Variants in ERICH1 observed in about 807,000 individuals in gnomAD.
ERICH1 encodes glutamate rich 1, also known as glutamate-rich protein 1.
In ERICH1, 56 loss-of-function variants were observed where a neutral mutation model predicts 39.6. The ratio of observed to expected loss-of-function variants is 1.41; its 90% confidence interval spans 1.14 to 1.77. The LOEUF (loss-of-function observed/expected upper bound fraction) is 1.77. Ranked by LOEUF, ERICH1 falls within the 40% of genes most tolerant of loss-of-function variation. The pLI, the probability that ERICH1 is intolerant of heterozygous loss-of-function variation, is 0.00. For missense variants in ERICH1, 826 were observed against 575.4 expected (o/e 1.44, Z -4.45); for synonymous variants, 313 against 223.6 (o/e 1.40, Z -3.57).
chr8:653,021 A>G (rs1284694697), intron 3 of ERICH1, among the ~76,000 whole-genome samples: 1 of 152,232 alleles, frequency 6.6e-6, no homozygotes, highest in African/African-American at 2.4e-5. Flanking sequence ...CGGTACAGCC[A>G]TTGTGGAAGA....
intron 3 of ERICH1, among the ~76,000 whole-genome samples, chr8:620,070 T>A (rs189436114): frequency 6.6e-6 from 1 of 152,140 alleles, no homozygotes; most frequent in Non-Finnish European, 1.5e-5. Context: ...TCCCAGCACT[T>A]TGGGAGGCCA....
At position 673,581 on chromosome 8, in the gene ERICH1, A is replaced by G. The variant is rs895703130; in HGVS notation, c.771T>C (p.Asp257=). ...QEEGADASEE[D]PTPAGEEDVK... ...CGTCTTCCTCCCCGGCCGGTGTCGG[A>G]TCTTCCTCACTGGCGTCCGCACCCT... The change falls in exon 4 of 6, where the codon GAT becomes GAC. Residue 257 remains aspartate, a synonymous_variant. Transcript: ENST00000262109. 2.6e-6 allele frequency: 4 copies of G among 1,531,776 alleles called. No individual in the cohort carries two copies. The African/African-American group carries it at 6.2e-5, about 24-fold the overall frequency. 94.9% of individuals were successfully genotyped at this position (1,531,776 alleles called of 1,614,324 possible).
chr8:701,164 C>T (rs561201494), intron 2 of ERICH1, among the ~76,000 whole-genome samples: 27 of 152,386 alleles, frequency 1.8e-4, no homozygotes, highest in South Asian at 4.1e-4. Flanking sequence ...ACCAGGTGGA[C>T]GGGTCTGCCC....
chr8:625,513 G>T (rs1041984665), intron 3 of ERICH1, among the ~76,000 whole-genome samples: 1 of 152,164 alleles, frequency 6.6e-6, no homozygotes, highest in African/African-American at 2.4e-5. Flanking sequence ...AGCACGGGGT[G>T]TCTTGGGGGT....
chr8:663,961 G>A (rs1285748926), downstream of ERICH1, among the ~76,000 whole-genome samples: 5 of 152,156 alleles, frequency 3.3e-5, no homozygotes, highest in East Asian at 1.9e-4. Flanking sequence ...GGGTTTCACC[G>A]TGTTAGCCAG....
chr8:662,939 C>T (rs1025347660), downstream of ERICH1, among the ~76,000 whole-genome samples: 10 of 152,290 alleles, frequency 6.6e-5, no homozygotes, highest in Admixed American at 6.5e-4. Flanking sequence ...GGTGAAGCAG[C>T]GGCGCCTGCA....
chr8:629,661 C>G (rs1318133623), intron 3 of ERICH1, among the ~76,000 whole-genome samples: 9 of 144,696 alleles, frequency 6.2e-5, no homozygotes, highest in African/African-American at 1.9e-4. Context: ...CCGCCTGTGA[C>G]CACCCACAGA....
intron 3 of ERICH1, among the ~76,000 whole-genome samples, chr8:631,843 C>A (rs1798058992): frequency 6.6e-6 from 1 of 151,982 alleles, no homozygotes; most frequent in Admixed American, 6.6e-5. Context: ...TTTGCAGGTG[C>A]CGCCCCCCGA....
chr8:616,930 CAGAGAG>C (rs1796952188), intron 3 of ERICH1, among the ~76,000 whole-genome samples: 1 of 23,708 alleles, frequency 4.2e-5, no homozygotes, highest in Non-Finnish European at 6.7e-5. Context: ...CAGAAAGAGA[CAGAGAG>C]AGAGAGGGAG....
At chr8:678,487 T>G (rs1397858733) in intron 3 of ERICH1, among the ~76,000 whole-genome samples, 1 of 152,120 alleles carries the variant, frequency 6.6e-6, no homozygotes, top group Non-Finnish European at 1.5e-5. Flanking sequence ...ATGAGTCTAG[T>G]TAAAAATAAT....
rs113238220 is a variant in ERICH1 at position 712,477 on chromosome 8, T to C, written c.169+3384A>G. 9.5e-3 allele frequency among the ~76,000 whole-genome samples: 1,444 copies of C among 152,318 alleles called. 28 individuals are homozygous for C. The highest frequency in any genetic ancestry group is 0.032 in the African/African-American group (1,350 of 41,576). On this transcript the variant is annotated intron_variant, in intron 2 of 5. Transcript: ENST00000262109. ...CGGAGTCTTGCTCTGTTGCCCAGGC[T>C]GGAGTGCAGTGACATGATCTCGGCT...
In ERICH1 at chr8:615,304, G is replaced by A. The variant is rs1419086927; in HGVS notation, c.977-20C>T. On this transcript the variant is annotated intron_variant, in intron 3 of 3. Transcript: ENST00000522706. ...GGACTCCTGGAAAATCAGGTTAAGGGAGATCAGTTGTGTTCATCATTTTAA... is the reference window on the plus strand; with the variant it reads ...GGACTCCTGGAAAATCAGGTTAAGGAAGATCAGTTGTGTTCATCATTTTAA... The A allele has an allele frequency of 6.0e-6, 4 of 667,838 alleles. No individual in the cohort carries two copies. The Admixed American group carries it at 7.4e-5, about 12-fold the overall frequency. The allele number at this position is 667,838 out of a possible 1,614,324, so 41.4% of individuals were successfully genotyped here.
intron 3 of ERICH1, chr8:656,879 T>TA: frequency 1.0e-6 from 1 of 970,476 alleles, no homozygotes; most frequent in South Asian, 4.8e-5. Context: ...AGCAGAAACT[T>TA]AAACATTATG....
chr8:650,871 G>C (rs568544375), intron 3 of ERICH1, among the ~76,000 whole-genome samples: 19 of 152,346 alleles, frequency 1.2e-4, no homozygotes, highest in Non-Finnish European at 2.4e-4. Context: ...TGAGAGCCCT[G>C]GAGTGTGTTA....
chr8:625,250 GATAA>G (rs1257226622), intron 3 of ERICH1, among the ~76,000 whole-genome samples: 7 of 152,166 alleles, frequency 4.6e-5, no homozygotes, highest in African/African-American at 1.7e-4. Flanking sequence ...CCGATGAATA[GATAA>G]ATAAAGCATG....
chr8:680,433 C>T (rs1427181523), intron 3 of ERICH1, among the ~76,000 whole-genome samples: 2 of 151,074 alleles, frequency 1.3e-5, no homozygotes, highest in Admixed American at 6.6e-5. Context: ...CCACCCCTCC[C>T]CTGAAAACAC....
chr8:694,365 T>G (rs1809647207), intron 2 of ERICH1, among the ~76,000 whole-genome samples: 1 of 152,214 alleles, frequency 6.6e-6, no homozygotes, highest in African/African-American at 2.4e-5. Flanking sequence ...TCACAGAATA[T>G]TTTTGGAAGC....
At chr8:687,594 C>A (rs1398737546) in intron 3 of ERICH1, among the ~76,000 whole-genome samples, 2 of 152,104 alleles carry the variant, frequency 1.3e-5, no homozygotes, top group Admixed American at 6.5e-5. Flanking sequence ...GGGAGCAGGA[C>A]TGGAGGGAGG....
intron 1 of ERICH1, among the ~76,000 whole-genome samples, chr8:729,226 T>A (rs2056422749): frequency 6.6e-6 from 1 of 152,198 alleles, no homozygotes; most frequent in Non-Finnish European, 1.5e-5. Context: ...CAGTTCTGTG[T>A]GGGGTCTGCT....
Sources: gnomAD v4.1 joint callset for allele counts (sites outside exome capture counted in the v4.1 genomes callset) on GRCh38, gnomAD v4.1.1 for gene constraint, MANE v1.5 for transcripts, NCBI Gene and HGNC (gene_info 2026-07-23, HGNC 2026-07-21) for gene names.